The following GDA variants were observed in gnomAD, a reference collection of about 807,000 sequenced individuals.
The protein encoded by GDA is guanine deaminase, also known as cytoplasmic PSD-95 interactor.
A neutral mutation model predicts 59.6 loss-of-function variants in GDA; 18 were observed. The observed-to-expected ratio is 0.30, with a 90% CI of 0.21 to 0.45. GDA has a LOEUF of 0.45. Ranked by LOEUF, GDA falls within the 20% of genes least tolerant of loss-of-function variation. The pLI is 1.00. For synonymous variants in GDA, 201 were observed against 201.1 expected, an observed-to-expected ratio of 1.00 and a Z score of 0.00; for missense variants, 427 against 552.3, an observed-to-expected ratio of 0.77 and a Z score of 2.27.
downstream of GDA, among the ~76,000 whole-genome samples, chr9:72,256,629 C>T (rs978313763): frequency 1.3e-5 from 2 of 152,142 alleles, no homozygotes; most frequent in Non-Finnish European, 2.9e-5. Context: ...GCAATAGCAG[C>T]TCATCATAAA....
At chr9:72,257,796 G>A (rs1179469963), downstream of GDA, 1 of 152,928 alleles carries the variant, frequency 6.5e-6, no homozygotes, top group Non-Finnish European at 1.5e-5. Context: ...GCTGGATGTG[G>A]TTGTGTGCAC....
intron 1 of GDA, among the ~76,000 whole-genome samples, chr9:72,125,661 C>A (rs192003662): frequency 1.9e-3 from 291 of 151,886 alleles, no homozygotes; most frequent in African/African-American, 6.8e-3. Context: ...CAATATTTAC[C>A]AGCCCATTCA....
At chr9:72,119,341 C>T (rs191737907) in intron 1 of GDA, among the ~76,000 whole-genome samples, 1 of 152,248 alleles carries the variant, frequency 6.6e-6, no homozygotes, top group Admixed American at 6.5e-5. Flanking sequence ...CACATCTCTA[C>T]TAAAAATACA....
At chr9:72,141,456 A>AT (rs199896217) in intron 1 of GDA, among the ~76,000 whole-genome samples, 5 of 151,862 alleles carry the variant, frequency 3.3e-5, no homozygotes, top group South Asian at 2.1e-4. Context: ...ATTCCTTAGA[A>AT]TTTTTTTTTC....
chr9:72,175,358 G>A (rs543069058), intron 1 of GDA, among the ~76,000 whole-genome samples: 25 of 152,262 alleles, frequency 1.6e-4, no homozygotes, highest in Non-Finnish European at 3.1e-4. Flanking sequence ...CAGGGGGTAC[G>A]ACAGAGATGT....
rs1447010232 is a variant in GDA at position 72,248,852 on chromosome 9, A to G, written c.*510A>G. 2.0e-6 allele frequency: 2 copies of G among 983,810 alleles called. No individual in the cohort carries two copies. Among genetic ancestry groups the G allele is most frequent in the Non-Finnish European group, 2.4e-6 (2 of 828,038 alleles). The allele number at this position is 983,810 out of a possible 1,614,324, so 60.9% of individuals were successfully genotyped here. On this transcript the variant is annotated 3_prime_UTR_variant, in exon 14 of 14. Coordinates refer to ENST00000358399, the MANE Select transcript of GDA (RefSeq NM_004293.5). ...ATTATATACTGAGCATACTAATTTA[A>G]AAAGAGAACTTGTTGAAATTTAAAA...
intron 6 of GDA, among the ~76,000 whole-genome samples, chr9:72,221,875 C>A (rs1836925722): frequency 6.6e-6 from 1 of 152,196 alleles, no homozygotes; most frequent in South Asian, 2.1e-4. Context: ...CATGTCCCTG[C>A]AAATGGCATG....
chr9:72,226,217 A>G (rs1837566621), intron 8 of GDA, among the ~76,000 whole-genome samples: 1 of 152,214 alleles, frequency 6.6e-6, no homozygotes, highest in Non-Finnish European at 1.5e-5. Context: ...AGGGATGCTA[A>G]TTTTATATTA....
At position 72,188,617 on chromosome 9, in the gene GDA, C is replaced by G. The variant is rs765545230; in HGVS notation, c.124-6883C>G. Among the ~76,000 whole-genome samples the G allele has an allele frequency of 1.1e-3, 168 of 152,306 alleles. 1 individual carries two copies. The highest frequency in any genetic ancestry group is 4.4e-4 in the Non-Finnish European group (30 of 68,018). ...TGGAGCCCCAGGCAGAGACTTGTCA[C>G]AGAAGCAGAGCCACTGCAGAGAGCC... On this transcript the variant is annotated intron_variant, in intron 1 of 13. Coordinates refer to ENST00000358399, the MANE Select transcript of GDA (RefSeq NM_004293.5).
intron 1 of GDA, among the ~76,000 whole-genome samples, chr9:72,185,678 T>C (rs1831778566): frequency 6.6e-6 from 1 of 152,250 alleles, no homozygotes; most frequent in African/African-American, 2.4e-5. Context: ...TTTTGTTGGA[T>C]GGCTGAGCTA....
At chr9:72,136,745 G>C (rs1407977769) in intron 1 of GDA, among the ~76,000 whole-genome samples, 2 of 152,182 alleles carry the variant, frequency 1.3e-5, no homozygotes, top group Admixed American at 1.3e-4. Flanking sequence ...GTAGGCCGAG[G>C]TGGGCGGATC....
chr9:72,229,498 A>G (rs548712658), intron 9 of GDA, among the ~76,000 whole-genome samples: 32 of 152,340 alleles, frequency 2.1e-4, no homozygotes, highest in African/African-American at 7.2e-4. Context: ...TAGAAAACTC[A>G]GGTAACCAGT....
Position 72,250,191 on chromosome 9 carries a change from A to G in GDA, c.*1849A>G, listed in dbSNP as rs1840549513. On this transcript the variant is annotated 3_prime_UTR_variant, in exon 14 of 14. Coordinates refer to ENST00000358399, the MANE Select transcript of GDA (RefSeq NM_004293.5). The stretch of plus-strand genomic sequence containing the variant: ...ACCCCTGCCAAAGGAACTTGATTAC[A>G]TGGTGTCTAACCAAATGAGCAGGCT... 3 of 984,676 alleles carry G rather than the reference A, an allele frequency of 3.0e-6. No homozygotes were observed. Among genetic ancestry groups the G allele is most frequent in the Middle Eastern group, 5.2e-4 (1 of 1,936 alleles). 61.0% of individuals were successfully genotyped at this position (984,676 alleles called of 1,614,324 possible).
intron 1 of GDA, among the ~76,000 whole-genome samples, chr9:72,124,600 C>T (rs978623451): frequency 1.3e-5 from 2 of 152,098 alleles, no homozygotes; most frequent in Non-Finnish European, 1.5e-5. Context: ...ATGTTGGCAC[C>T]TGTCAAACAG....
intron 1 of GDA, among the ~76,000 whole-genome samples, chr9:72,150,136 G>T (rs1827005708): frequency 6.6e-6 from 1 of 152,206 alleles, no homozygotes. Flanking sequence ...TCATTTGATT[G>T]ATGTTGTTTA....
At chr9:72,128,887 G>GTT (rs144362392) in intron 1 of GDA, among the ~76,000 whole-genome samples, 23 of 148,550 alleles carry the variant, frequency 1.5e-4, no homozygotes, top group South Asian at 4.2e-4. Flanking sequence ...TCTCACTGGA[G>GTT]TTTTTTTTTT....
At chr9:72,155,060 G>T (rs570356088) in intron 1 of GDA, among the ~76,000 whole-genome samples, 1 of 152,142 alleles carries the variant, frequency 6.6e-6, no homozygotes, top group African/African-American at 2.4e-5. Flanking sequence ...TCAAACTTGC[G>T]ATGTGAACAA....
intron 1 of GDA, among the ~76,000 whole-genome samples, chr9:72,122,494 A>G (rs1486803337): frequency 8.7e-6 from 1 of 114,376 alleles, no homozygotes; most frequent in East Asian, 2.0e-4. Flanking sequence ...CCTATTATTA[A>G]TATTGTAACT....
chr9:72,202,274 C>T (rs956103076), intron 2 of GDA, among the ~76,000 whole-genome samples: 16 of 152,206 alleles, frequency 1.1e-4, no homozygotes, highest in Admixed American at 2.6e-4. Flanking sequence ...GAGTTCCCGT[C>T]CTTTCTTGTG....
Sources: allele counts gnomAD v4.1 joint callset (sites outside exome capture counted in the v4.1 genomes callset), GRCh38; gene constraint gnomAD v4.1.1; transcripts MANE v1.5; gene names NCBI Gene and HGNC (gene_info 2026-07-23, HGNC 2026-07-21).